LRP1B: variants seen among roughly 807,000 people sequenced by gnomAD.
LRP1B encodes the protein low-density lipoprotein receptor-related protein 1B.
LRP1B carries 217 observed loss-of-function variants against 556.6 expected under a neutral mutation model. That is an observed-to-expected ratio of 0.39 (90% CI 0.35 to 0.44). The LOEUF is 0.44. Among genes scored for constraint, LRP1B ranks in the 20% least tolerant of loss-of-function variants. LRP1B has a pLI of 1.00. For missense variants in LRP1B, 5,053 were observed against 5,620.8 expected, an observed-to-expected ratio of 0.90 and a Z score of 3.23; for synonymous variants, 2,047 against 1,865.8, an observed-to-expected ratio of 1.10 and a Z score of -2.50.
intron 66 of LRP1B, among the ~76,000 whole-genome samples, chr2:140,420,650 C>T (rs1334844185): frequency 1.3e-5 from 2 of 152,140 alleles, no homozygotes; most frequent in African/African-American, 4.8e-5. Context: ...AGTATATCCA[C>T]ACAACAGAAT....
intron 1 of LRP1B, among the ~76,000 whole-genome samples, chr2:141,830,847 C>T (rs1027800665): frequency 1.3e-5 from 2 of 151,766 alleles, no homozygotes; most frequent in African/African-American, 4.8e-5. Context: ...GATGCTTTCT[C>T]CTGAACAAGT....
chr2:141,133,290 C>CTCTT (rs1558883070), intron 7 of LRP1B, among the ~76,000 whole-genome samples: 1 of 137,236 alleles, frequency 7.3e-6, no homozygotes, highest in African/African-American at 2.7e-5. Flanking sequence ...TGTAACGTCT[C>CTCTT]TTTTTTTTTT....
At chr2:140,623,956 G>GTGTATATATATATA (rs1339496296) in intron 41 of LRP1B, among the ~76,000 whole-genome samples, 8 of 106,436 alleles carry the variant, frequency 7.5e-5, no homozygotes, top group African/African-American at 2.7e-4. Flanking sequence ...TTTTATTTAT[G>GTGTATATATATATA]TATATATATA....
At chr2:141,821,762 C>T (rs1284879705) in intron 1 of LRP1B, among the ~76,000 whole-genome samples, 1 of 151,968 alleles carries the variant, frequency 6.6e-6, no homozygotes, top group Non-Finnish European at 1.5e-5. Context: ...TATTAAGCAC[C>T]AAGTGTTTTT....
intron 41 of LRP1B, among the ~76,000 whole-genome samples, chr2:140,624,728 C>A (rs1473464023): frequency 2.0e-5 from 3 of 152,068 alleles, no homozygotes; most frequent in Middle Eastern, 3.2e-3. Context: ...TCCATCAGGT[C>A]CATTGAGTTT....
chr2:141,756,544 TACACACACACAC>T (rs35271250), intron 2 of LRP1B, among the ~76,000 whole-genome samples: 52 of 143,344 alleles, frequency 3.6e-4, no homozygotes, highest in Non-Finnish European at 4.1e-4. Context: ...TCTCTCAAAT[TACACACACACAC>T]ACACACACAC....
At chr2:140,689,742 A>G (rs1286212050) in intron 41 of LRP1B, among the ~76,000 whole-genome samples, 3 of 152,164 alleles carry the variant, frequency 2.0e-5, no homozygotes, top group Non-Finnish European at 4.4e-5. Context: ...ATTCCTAATC[A>G]GCCTCACTAA....
intron 3 of LRP1B, among the ~76,000 whole-genome samples, chr2:141,270,532 C>T (rs563865748): frequency 1.3e-5 from 2 of 152,142 alleles, no homozygotes; most frequent in South Asian, 4.1e-4. Context: ...AAATTCACCA[C>T]CCAAATGTCT....
At chr2:140,356,973 G>GACAT (rs150474797) in intron 74 of LRP1B, among the ~76,000 whole-genome samples, 3,076 of 151,732 alleles carry the variant, frequency 0.02, 37 homozygotes, top group African/African-American at 0.028. Flanking sequence ...TTTTATGCTG[G>GACAT]ACATACATAT....
intron 3 of LRP1B, among the ~76,000 whole-genome samples, chr2:141,267,233 T>G (rs937566345): frequency 2.0e-5 from 3 of 152,198 alleles, no homozygotes; most frequent in African/African-American, 7.2e-5. Flanking sequence ...CAAAGTGTGC[T>G]CCAGACCCTA....
intron 3 of LRP1B, among the ~76,000 whole-genome samples, chr2:141,298,497 G>A (rs778658275): frequency 4.6e-5 from 7 of 152,096 alleles, no homozygotes; most frequent in South Asian, 2.1e-4. Flanking sequence ...AAGCTCAGGC[G>A]AGCTTCCTTG....
intron 1 of LRP1B, among the ~76,000 whole-genome samples, chr2:142,093,221 C>T (rs1314515359): frequency 1.3e-5 from 2 of 152,080 alleles, no homozygotes; most frequent in African/African-American, 4.8e-5. Context: ...TTTAACTTTC[C>T]TAGCGAACTA....
intron 18 of LRP1B, among the ~76,000 whole-genome samples, chr2:140,972,284 A>G (rs1196840272): frequency 6.6e-6 from 1 of 152,242 alleles, no homozygotes; most frequent in Non-Finnish European, 1.5e-5. Flanking sequence ...AATAAACAGA[A>G]TAAGGAAGTC....
rs1383041463 is a variant in LRP1B at position 140,406,456 on chromosome 2, A to AC, written c.10415-20448dup. 2.8e-4 allele frequency among the ~76,000 whole-genome samples: 43 copies of AC among 152,010 alleles called. 1 individual carries two copies. The highest frequency in any genetic ancestry group is 2.6e-4 in the Admixed American group (4 of 15,274). On this transcript the variant is annotated intron_variant, in intron 66 of 90. Transcript: ENST00000389484. ...ATACCTAGAAAACCCTAAAGACCCC[A>AC]CCAAAAGGCTCCTAGGTCTAATAAA...
intron 32 of LRP1B, among the ~76,000 whole-genome samples, chr2:140,792,808 A>G (rs927616073): frequency 6.6e-6 from 1 of 152,156 alleles, no homozygotes; most frequent in Non-Finnish European, 1.5e-5. Context: ...TAACCCAGAG[A>G]GCAAAAGAGG....
At chr2:141,788,227 G>A (rs532431695) in intron 2 of LRP1B, among the ~76,000 whole-genome samples, 5 of 152,024 alleles carry the variant, frequency 3.3e-5, no homozygotes, top group East Asian at 1.9e-4. Flanking sequence ...GCTACACACC[G>A]TCTGAAATCA....
intron 1 of LRP1B, among the ~76,000 whole-genome samples, chr2:141,927,830 C>A (rs73964841): frequency 7.3e-6 from 1 of 137,006 alleles, no homozygotes; most frequent in Non-Finnish European, 1.5e-5. Flanking sequence ...ATCTTCCCCC[C>A]AAGCTACAGC....
chr2:140,680,533 T>C (rs1469264661), intron 41 of LRP1B, among the ~76,000 whole-genome samples: 1 of 152,242 alleles, frequency 6.6e-6, no homozygotes, highest in African/African-American at 2.4e-5. Context: ...CCCTTGGACC[T>C]GTTTATCTGG....
intron 66 of LRP1B, among the ~76,000 whole-genome samples, chr2:140,409,982 C>A (rs1218647226): frequency 6.6e-6 from 1 of 151,978 alleles, no homozygotes; most frequent in Non-Finnish European, 1.5e-5. Context: ...AGAGGTAATT[C>A]AAAAACATGG....
Sources: allele counts gnomAD v4.1 joint callset (sites outside exome capture counted in the v4.1 genomes callset), GRCh38; gene constraint gnomAD v4.1.1; transcripts MANE v1.5; gene names NCBI Gene and HGNC (gene_info 2026-07-23, HGNC 2026-07-21).